The following DSCAML1 variants were observed in gnomAD, a reference collection of about 807,000 sequenced individuals.
The protein encoded by DSCAML1 is cell adhesion molecule DSCAML1.
A neutral mutation model predicts 200.5 loss-of-function variants in DSCAML1; 38 were observed. The observed-to-expected ratio is 0.19, with a 90% CI of 0.15 to 0.25. The LOEUF (loss-of-function observed/expected upper bound fraction) is 0.25, where lower values mean the gene tolerates loss of function less well. DSCAML1 is among the 10% of genes least tolerant of loss of function. DSCAML1 has a pLI of 1.00. For synonymous variants in DSCAML1, 1,215 were observed against 1,165.0 expected (o/e 1.04, Z -0.87); for missense variants, 2,223 against 2,858.8 (o/e 0.78, Z 5.07).
At chr11:117,502,306 C>T (rs532232792) in intron 11 of DSCAML1, among the ~76,000 whole-genome samples, 1 of 152,280 alleles carries the variant, frequency 6.6e-6, no homozygotes, top group East Asian at 1.9e-4. Context: ...TCAGCGGAAT[C>T]CCCCAACTTA....
At chr11:117,610,843 C>A (rs1028115686) in intron 3 of DSCAML1, among the ~76,000 whole-genome samples, 4 of 134,642 alleles carry the variant, frequency 3.0e-5, no homozygotes, top group East Asian at 2.4e-4. Context: ...CAAAACAACC[C>A]CCCCCCCCCA....
intron 3 of DSCAML1, among the ~76,000 whole-genome samples, chr11:117,546,986 G>A (rs1244539313): frequency 6.6e-6 from 1 of 152,138 alleles, no homozygotes; most frequent in African/African-American, 2.4e-5. Flanking sequence ...TGCATGAGAG[G>A]GGCGCTTTAA....
rs533264982 is a variant in DSCAML1, at chr11:117,642,692, C to G, written c.512-110170G>C. Among the ~76,000 whole-genome samples the G allele has an allele frequency of 3.7e-4, 57 of 152,284 alleles. No homozygotes were observed. Among genetic ancestry groups the G allele is most frequent in the African/African-American group, 1.1e-3 (45 of 41,566 alleles). On this transcript the variant is annotated intron_variant, in intron 3 of 32. Coordinates refer to ENST00000651296, the MANE Select transcript of DSCAML1 (RefSeq NM_020693.4). This position sits in a 1 kb window ranked among gnomAD's most constrained non-coding sequence, Gnocchi z 4.1. Reference sequence around the variant, plus strand: ...CTGTGGCTCCTGGCTGCTTCTTGGGCCAGTGGATTGTCACGATCCTGGCTC... The same window carrying G: ...CTGTGGCTCCTGGCTGCTTCTTGGGGCAGTGGATTGTCACGATCCTGGCTC...
intron 3 of DSCAML1, among the ~76,000 whole-genome samples, chr11:117,697,238 T>C (rs1171920349): frequency 6.6e-6 from 1 of 152,198 alleles, no homozygotes; most frequent in East Asian, 1.9e-4. Context: ...CTCACATAGC[T>C]CCTTCTTTTG....
chr11:117,503,247 C>T lies in DSCAML1; in HGVS notation c.2359+598G>A, dbSNP rs2049431624. Among the ~76,000 whole-genome samples, 1 of 152,126 alleles carries T rather than the reference C, an allele frequency of 6.6e-6. No homozygotes were observed. On this transcript the variant is annotated intron_variant, in intron 11 of 32. Transcript: ENST00000651296. This position sits in a 1 kb window ranked among gnomAD's most constrained non-coding sequence, Gnocchi z 5.2. The stretch of plus-strand genomic sequence containing the variant: ...TCCTTGGGCTTTTCTGAAGCATCCT[C>T]CTCTTTCCAAGATCAGTTCCTGCAG...
At chr11:117,707,958 A>AGAGACT (rs1009577382) in intron 3 of DSCAML1, among the ~76,000 whole-genome samples, 18 of 152,344 alleles carry the variant, frequency 1.2e-4, no homozygotes, top group African/African-American at 4.1e-4. Flanking sequence ...AGGTTGAAGC[A>AGAGACT]GAGACTGGAT....
At chr11:117,522,866 G>A (rs1267577711) in intron 5 of DSCAML1, among the ~76,000 whole-genome samples, 2 of 152,166 alleles carry the variant, frequency 1.3e-5, no homozygotes, top group Non-Finnish European at 2.9e-5. Flanking sequence ...TAGAGAGGCT[G>A]GCAGATGGAG....
At chr11:117,681,685 A>G (rs1260536714) in intron 3 of DSCAML1, among the ~76,000 whole-genome samples, 3 of 152,066 alleles carry the variant, frequency 2.0e-5, no homozygotes, top group Admixed American at 6.5e-5. Flanking sequence ...CTCTCTCCCC[A>G]CTTAAAAAGG....
chr11:117,431,888 C>T (rs2047805346), intron 30 of DSCAML1, among the ~76,000 whole-genome samples, 160 bp from the exon 31 acceptor site: 1 of 152,070 alleles, frequency 6.6e-6, no homozygotes, highest in African/African-American at 2.4e-5. Context: ...CATCGCTGTC[C>T]CCAGAGGAGA....
chr11:117,602,960 G>A (rs1282955131), intron 3 of DSCAML1, among the ~76,000 whole-genome samples: 3 of 152,164 alleles, frequency 2.0e-5, no homozygotes, highest in African/African-American at 4.8e-5. Context: ...ACCAGGTGTG[G>A]TGGCGTGAAC....
chr11:117,742,052 C>T (rs893849674), intron 3 of DSCAML1, among the ~76,000 whole-genome samples: 4 of 152,190 alleles, frequency 2.6e-5, no homozygotes, highest in Non-Finnish European at 5.9e-5. Flanking sequence ...CAACACCTGA[C>T]CTTGGGTCTT....
chr11:117,428,877 A>G, intron 32 of DSCAML1, 74 bp from the exon 33 acceptor site: 1 of 1,380,980 alleles, frequency 7.2e-7, no homozygotes, highest in South Asian at 1.3e-5. Flanking sequence ...CCCCCACCCC[A>G]TCCCCTGCCC....
chr11:117,597,299 C>T (rs572806289), intron 3 of DSCAML1, among the ~76,000 whole-genome samples: 69 of 152,270 alleles, frequency 4.5e-4, no homozygotes, highest in African/African-American at 1.3e-3. Flanking sequence ...AGCGCCAGAA[C>T]GGCCTCAGTC....
At chr11:117,484,356 T>A (rs1171274169) in intron 11 of DSCAML1, among the ~76,000 whole-genome samples, 1 of 152,072 alleles carries the variant, frequency 6.6e-6, no homozygotes, top group Non-Finnish European at 1.5e-5. Flanking sequence ...GCAAGCCACC[T>A]CCTCTGCTGC....
intron 3 of DSCAML1, among the ~76,000 whole-genome samples, chr11:117,683,551 G>C (rs1289683963): frequency 6.6e-6 from 1 of 152,200 alleles, no homozygotes; most frequent in Non-Finnish European, 1.5e-5. Context: ...AGCTCAGAGA[G>C]GTGAGTGACC....
chr11:117,633,794 G>A (rs1249895217), intron 3 of DSCAML1, among the ~76,000 whole-genome samples: 3 of 152,208 alleles, frequency 2.0e-5, no homozygotes, highest in Non-Finnish European at 4.4e-5. Context: ...GGGCGAGGCA[G>A]AGGTGCAGGC....
intron 3 of DSCAML1, among the ~76,000 whole-genome samples, chr11:117,643,702 C>A (rs547957257): frequency 6.6e-6 from 1 of 151,998 alleles, no homozygotes; most frequent in African/African-American, 2.4e-5. Context: ...GGGGGGTGCC[C>A]TCACTCCCCA....
At chr11:117,709,540 G>C (rs991272311) in intron 3 of DSCAML1, among the ~76,000 whole-genome samples, 7 of 152,216 alleles carry the variant, frequency 4.6e-5, no homozygotes, top group African/African-American at 1.7e-4. Flanking sequence ...TGCGGGGGTT[G>C]GGGGGAGTGC....
At chr11:117,650,701 G>GTGTGTGCGCA (rs1555194676) in intron 3 of DSCAML1, among the ~76,000 whole-genome samples, 11 of 80,908 alleles carry the variant, frequency 1.4e-4, no homozygotes, top group Admixed American at 9.4e-4. Context: ...GTGTGTGTGT[G>GTGTGTGCGCA]CGTGTGTGTG....
Sources: allele counts gnomAD v4.1 joint callset (sites outside exome capture counted in the v4.1 genomes callset), GRCh38; gene constraint gnomAD v4.1.1; non-coding constraint Gnocchi (gnomAD v3.1); transcripts MANE v1.5; gene names NCBI Gene and HGNC (gene_info 2026-07-23, HGNC 2026-07-21).